Variants in TMEM222 observed in about 807,000 individuals in gnomAD.
The protein encoded by TMEM222 is transmembrane protein 222.
Under a neutral mutation model 25.1 loss-of-function variants are expected in TMEM222, and 18 were observed. The ratio of observed to expected loss-of-function variants is 0.72; its 90% CI spans 0.50 to 1.06. TMEM222 has a LOEUF of 1.06. Among genes scored for constraint, TMEM222 ranks in the 50% least tolerant of loss-of-function variants. The pLI is 0.00. For missense variants in TMEM222, 296 were observed against 293.7 expected (o/e 1.01, Z -0.06); for synonymous variants, 131 against 117.9 (o/e 1.11, Z -0.72).
rs763945745 is a variant in TMEM222, at chr1:27,334,102, G to A, written c.408+48G>A. The A allele has an allele frequency of 3.1e-6, 5 of 1,614,032 alleles. No homozygotes were observed. The South Asian group carries it at 4.4e-5, about 14-fold the overall frequency. On this transcript the variant is annotated intron_variant, in intron 4 of 5. Coordinates refer to ENST00000374076, the MANE Select transcript of TMEM222 (RefSeq NM_032125.3). ...GGCACTCCCCAGGTGGGGACCAGGG[G>A]GGAGGCTCCCCTGCAGCCCATCCTG...
At chr1:27,332,314 C>G (rs1289181252) in intron 3 of TMEM222, 5 of 704,802 alleles carry the variant, frequency 7.1e-6, no homozygotes, top group Middle Eastern at 3.1e-4. Flanking sequence ...TGTAGACCAT[C>G]TGGGCCTTGC....
At chr1:27,332,010 G>A (rs2014490419) in intron 2 of TMEM222, 60 bp from the exon 3 acceptor site, 3 of 1,587,712 alleles carry the variant, frequency 1.9e-6, no homozygotes, top group Admixed American at 1.7e-5. Context: ...CACCTACCCA[G>A]GTTTGTCATC....
chr1:27,334,046 C>A lies in TMEM222; in HGVS notation c.400C>A (p.His134Asn). 6.2e-7 allele frequency: 1 copy of A among 1,614,200 alleles called. No homozygotes were observed. The highest frequency in any genetic ancestry group is 8.5e-7 in the Non-Finnish European group (1 of 1,180,030). ...AVHDASEEYKHRMHNLCCDNC... is the reference protein window; with the variant it reads ...AVHDASEEYKNRMHNLCCDNC... ...GCACGACGCCTCTGAGGAGTACAAG[C>A]ACCGCATGGTAGGTGGGCCAGGGCG... Residue 134 changes from histidine (H) to asparagine (N), a missense_variant, in exon 4 of 6, where the codon CAC (histidine) becomes AAC (asparagine). By Grantham distance (68) the His-to-Asn change is moderately conservative. Transcript: ENST00000374076.
chr1:27,325,641 A>G (rs79070316), intron 1 of TMEM222: 134,231 of 851,620 alleles, frequency 0.16, 11,286 homozygotes, highest in South Asian at 0.2. Context: ...ATCCAGCACC[A>G]TGAAGATCAA....
intron 2 of TMEM222, chr1:27,331,024 G>GTT (rs1571011279): frequency 6.9e-7 from 1 of 1,451,680 alleles, no homozygotes; most frequent in African/African-American, 1.4e-5. Context: ...GGATTCTTAA[G>GTT]TAACTGACCC....
intron 3 of TMEM222, chr1:27,333,574 G>C (rs2014533103): frequency 4.7e-6 from 2 of 425,128 alleles, no homozygotes; most frequent in South Asian, 3.5e-5. Context: ...GAGGGGTGAG[G>C]GGTCTCCCTC....
At chr1:27,330,396 GAA>G (rs1328997336) in intron 1 of TMEM222, among the ~76,000 whole-genome samples, 1 of 139,082 alleles carries the variant, frequency 7.2e-6, no homozygotes, top group Non-Finnish European at 1.6e-5. Context: ...GACTCCATTT[GAA>G]AAAAAAAAAA....
At chr1:27,330,959 C>T (rs956830884) in intron 2 of TMEM222, 155 bp downstream of exon 2, 2 of 1,511,330 alleles carry the variant, frequency 1.3e-6, no homozygotes. Context: ...AGTGTTTGAC[C>T]CCTTTCCCCC....
intron 5 of TMEM222, chr1:27,334,962 G>A: frequency 2.6e-6 from 1 of 377,716 alleles, no homozygotes; most frequent in South Asian, 4.3e-5. Flanking sequence ...ACCCTTGCCA[G>A]CCCCAGAGCT....
At chr1:27,324,819 G>A (rs1312453456) in intron 1 of TMEM222, among the ~76,000 whole-genome samples, 1 of 152,060 alleles carries the variant, frequency 6.6e-6, no homozygotes, top group Non-Finnish European at 1.5e-5. Context: ...GGGAGTGAGG[G>A]GGGAGATGCT....
intron 1 of TMEM222, 46 bp from the exon 2 acceptor site, chr1:27,330,674 G>A (rs371253914): frequency 6.5e-7 from 1 of 1,546,172 alleles, no homozygotes; most frequent in African/African-American, 1.4e-5. Context: ...CTAACTGGCT[G>A]AAAGATCCCC....
rs2014493687 is a variant in TMEM222, at chr1:27,332,114, C to A, written c.311+13C>A. 6 of 1,614,256 alleles carry A rather than the reference C, an allele frequency of 3.7e-6. No individual in the cohort carries two copies. The highest frequency in any genetic ancestry group is 5.1e-6 in the Non-Finnish European group (6 of 1,180,042). ...GAAAGCCTGCCAAGTAAGTGATGAA[C>A]ACCCATGTGACTGGCTCTAGAGGCA... On this transcript the variant is annotated intron_variant, in intron 3 of 5. Transcript: ENST00000374076.
chr1:27,334,390 C>A, intron 5 of TMEM222, 109 bp downstream of exon 5: 2 of 1,518,510 alleles, frequency 1.3e-6, no homozygotes, highest in Non-Finnish European at 1.8e-6. Context: ...ACAGTTGGAA[C>A]AGATGCCAGT....
In TMEM222 at chr1:27,334,446, G is replaced by A. The variant is rs959029486; in HGVS notation, c.539+165G>A. 6 of 1,282,236 alleles carry A rather than the reference G, an allele frequency of 4.7e-6. No homozygotes were observed. In the Admixed American group the frequency reaches 1.3e-4, roughly 29 times the overall value. The allele number at this position is 1,282,236 out of a possible 1,614,324, so 79.4% of individuals were successfully genotyped here. ...AGTGACGAGCTGAGGGCCTGATGGA[G>A]AGGGAGGTGGCTGTGCTGAAGTCCA... On this transcript the variant is annotated intron_variant, in intron 5 of 5. Transcript: ENST00000374076.
chr1:27,334,941 C>A, intron 5 of TMEM222: 1 of 522,420 alleles, frequency 1.9e-6, no homozygotes, highest in Non-Finnish European at 2.7e-6. Flanking sequence ...GCTCCAGCCA[C>A]AACACTGCTG....
At chr1:27,330,489 T>C (rs1241824398) in intron 1 of TMEM222, among the ~76,000 whole-genome samples, 2 of 152,142 alleles carry the variant, frequency 1.3e-5, no homozygotes, top group Non-Finnish European at 2.9e-5. Context: ...TTGGTGTTGC[T>C]GTCGTTTGAG....
chr1:27,329,247 T>A (rs1028373764), intron 1 of TMEM222, among the ~76,000 whole-genome samples: 2 of 151,722 alleles, frequency 1.3e-5, no homozygotes, highest in Admixed American at 6.6e-5. Flanking sequence ...GTATAACTTA[T>A]GTACCAAACG....
At chr1:27,329,805 A>G (rs2014434934) in intron 1 of TMEM222, among the ~76,000 whole-genome samples, 1 of 152,258 alleles carries the variant, frequency 6.6e-6, no homozygotes, top group Admixed American at 6.5e-5. Context: ...ACTGTTTTCC[A>G]GAATGGTAGA....
At chr1:27,328,786 T>C (rs1007578501) in intron 1 of TMEM222, among the ~76,000 whole-genome samples, 1 of 152,230 alleles carries the variant, frequency 6.6e-6, no homozygotes, top group East Asian at 1.9e-4. Context: ...GTGAAGTCTT[T>C]ACTGGCTCCA....
Sources: gnomAD v4.1 joint callset for allele counts (sites outside exome capture counted in the v4.1 genomes callset) on GRCh38, gnomAD v4.1.1 for gene constraint, MANE v1.5 for transcripts, NCBI Gene and HGNC (gene_info 2026-07-23, HGNC 2026-07-21) for gene names.